TLCD3B: variants seen among roughly 807,000 people sequenced by gnomAD.
The protein encoded by TLCD3B is TLC domain containing 3B.
In TLCD3B, 9 loss-of-function variants were observed where a neutral mutation model predicts 23.0. That is an observed-to-expected ratio of 0.39 (90% confidence interval 0.24 to 0.68). The LOEUF (loss-of-function observed/expected upper bound fraction) is 0.68. TLCD3B is among the 30% of genes least tolerant of loss of function. TLCD3B has a pLI of 0.44. For missense variants in TLCD3B, 307 were observed against 371.8 expected (o/e 0.83, Z 1.43); for synonymous variants, 161 against 161.0 (o/e 1.00, Z 0.00).
upstream of TLCD3B, among the ~76,000 whole-genome samples, chr16:30,034,880 A>G (rs565533230): frequency 8.6e-5 from 13 of 151,896 alleles, no homozygotes; most frequent in Admixed American, 2.6e-4. Context: ...AATGACTCAC[A>G]AAAGACCCCA....
intron 3 of TLCD3B, 101 bp downstream of exon 3, chr16:30,026,508 T>A: frequency 1.0e-6 from 1 of 995,024 alleles, no homozygotes; most frequent in Non-Finnish European, 1.5e-6. Context: ...TCTGCTTGGT[T>A]GTCAGTACGC....
Position 30,025,040 on chromosome 16 carries a change from G to A in TLCD3B, c.*143C>T. 1.7e-6 allele frequency: 1 copy of A among 585,568 alleles called. No individual in the cohort carries two copies. Among genetic ancestry groups the A allele is most frequent in the Admixed American group, 3.5e-5 (1 of 28,176 alleles). The allele number at this position is 585,568 out of a possible 1,614,324, so 36.3% of individuals were successfully genotyped here. On this transcript the variant is annotated 3_prime_UTR_variant, in exon 5 of 5. Coordinates refer to ENST00000380495, the MANE Select transcript of TLCD3B (RefSeq NM_031478.6). This position sits in a 1 kb window ranked among gnomAD's most constrained non-coding sequence, Gnocchi z 4.1. ...TCCACCCCCTCAGTCCCCGAGAGAT[G>A]GGGCCTCTTCCCTTTCGGGGTCATC... is the stretch of plus-strand genomic sequence containing the variant.
At chr16:30,046,908 T>C (rs1482131224) in intron 1 of TLCD3B, among the ~76,000 whole-genome samples, 2 of 152,236 alleles carry the variant, frequency 1.3e-5, no homozygotes, top group African/African-American at 4.8e-5. Flanking sequence ...ATGAGATCTG[T>C]GTAAAGCACA....
upstream of TLCD3B, chr16:30,036,266 A>T: frequency 7.8e-7 from 1 of 1,289,048 alleles, no homozygotes; most frequent in Non-Finnish European, 1.0e-6. Flanking sequence ...CTTTAAAATG[A>T]CATTTGTTGA....
rs2071297245 is a variant in TLCD3B at position 30,029,757 on chromosome 16, C to T, written c.126-242G>A. Among the ~76,000 whole-genome samples, 1 of 152,168 alleles carries T rather than the reference C, an allele frequency of 6.6e-6. No individual in the cohort carries two copies. The highest frequency in any genetic ancestry group is 2.4e-5 in the African/African-American group (1 of 41,454). On this transcript the variant is annotated intron_variant, in intron 1 of 4. Coordinates refer to ENST00000380495, the MANE Select transcript of TLCD3B (RefSeq NM_031478.6). The surrounding 1 kb of genome is among the most constrained non-coding windows in gnomAD (Gnocchi z 4.6). ...CCACTCCTTGCCACCTTCTTCCTTC[C>T]CCATTTGTGGAAACTGAGTCTCCCT...
chr16:30,050,908 G>A (rs928618383), intron 1 of TLCD3B, among the ~76,000 whole-genome samples: 11 of 152,128 alleles, frequency 7.2e-5, no homozygotes, highest in African/African-American at 2.7e-4. Flanking sequence ...TTAGGAAGTC[G>A]GAGGCCTCCA....
intron 3 of TLCD3B, among the ~76,000 whole-genome samples, chr16:30,040,841 T>C (rs959968569): frequency 1.3e-4 from 19 of 151,758 alleles, no homozygotes; most frequent in African/African-American, 4.4e-4. Context: ...GGTTTTTTTT[T>C]CTAGAGATGG....
intron 1 of TLCD3B, 151 bp downstream of exon 1, chr16:30,030,252 G>T: frequency 9.0e-7 from 1 of 1,107,536 alleles, no homozygotes; most frequent in Non-Finnish European, 1.3e-6. Flanking sequence ...GGCAGGCAGT[G>T]AGGAGAGAGG....
upstream of TLCD3B, among the ~76,000 whole-genome samples, chr16:30,034,881 A>G (rs1340309723): frequency 1.3e-5 from 2 of 151,820 alleles, no homozygotes; most frequent in African/African-American, 4.8e-5. Context: ...ATGACTCACA[A>G]AAGACCCCAC....
At chr16:30,045,323 G>A (rs2071648601) in intron 2 of TLCD3B, among the ~76,000 whole-genome samples, 1 of 147,614 alleles carries the variant, frequency 6.8e-6, no homozygotes, top group African/African-American at 2.5e-5. Flanking sequence ...TGGGGTGTGT[G>A]TGTGGTGTTT....
In TLCD3B at chr16:30,025,388, AGCAGCACCCG is replaced by A; in HGVS notation, c.610_619del (p.Arg204SerfsTer154). 3 of 1,610,754 alleles carry A rather than the reference AGCAGCACCCG, an allele frequency of 1.9e-6. No homozygotes were observed. The highest frequency in any genetic ancestry group is 2.5e-6 in the Non-Finnish European group (3 of 1,178,756). On this transcript the variant is annotated frameshift_variant, in exon 5 of 5. Coordinates refer to ENST00000380495, the MANE Select transcript of TLCD3B (RefSeq NM_031478.6). LOFTEE classifies it low-confidence loss of function (END_TRUNC). The surrounding 1 kb of genome is among the most constrained non-coding windows in gnomAD (Gnocchi z 4.1). The stretch of plus-strand genomic sequence containing the variant: ...GTAGGCCCAGTACAGGTAGGGAAAG[AGCAGCACCCG>A]GCAGCAGAGGAAGCTGAGCAGCATC...
intron 1 of TLCD3B, among the ~76,000 whole-genome samples, chr16:30,050,827 G>A (rs551786149): frequency 1.8e-4 from 28 of 152,226 alleles, no homozygotes; most frequent in African/African-American, 6.5e-4. Context: ...ATGTTGGGGT[G>A]GAGAACATGG....
intron 3 of TLCD3B, among the ~76,000 whole-genome samples, chr16:30,026,393 C>T (rs958627632): frequency 6.6e-6 from 1 of 152,160 alleles, no homozygotes; most frequent in African/African-American, 2.4e-5. Context: ...GAGCCACAGC[C>T]GGGCATCGTC....
chr16:30,051,725 C>T (rs908663575), intron 1 of TLCD3B, among the ~76,000 whole-genome samples: 2 of 151,994 alleles, frequency 1.3e-5, no homozygotes, highest in Non-Finnish European at 2.9e-5. Context: ...GTGAGAAGTG[C>T]GAGAACAACA....
intron 1 of TLCD3B, chr16:30,052,702 TAAATAAA>T (rs1367910411): frequency 9.0e-6 from 1 of 111,302 alleles, no homozygotes; most frequent in Non-Finnish European, 1.8e-5. Context: ...GTCTCAAAAA[TAAATAAA>T]TAAATAAATA....
At chr16:30,026,566 GC>G (rs2071146381) in intron 3 of TLCD3B, 42 bp downstream of exon 3, 1 of 1,559,126 alleles carries the variant, frequency 6.4e-7, no homozygotes, top group Admixed American at 1.7e-5. Context: ...GGACCAAGGA[GC>G]AGGCCACCCG....
intron 3 of TLCD3B, among the ~76,000 whole-genome samples, chr16:30,040,749 G>A (rs1295993713): frequency 2.0e-5 from 3 of 152,022 alleles, no homozygotes; most frequent in East Asian, 1.9e-4. Context: ...TCCACCTCCC[G>A]GGCTCAAGTG....
chr16:30,029,497 C>T lies in TLCD3B; in HGVS notation c.144G>A (p.Gln48=), dbSNP rs374960331. ...AGCCGGCAGTGGAGGCCATGATGGC[C>T]TGGACAGAGGACACCAGCCTGGGGG... ...IVSARLVSSV[Q]AIMASTAGYI... The change falls in exon 2 of 5, where the codon CAG becomes CAA. Residue 48 remains glutamine, a synonymous_variant. Coordinates refer to ENST00000380495, the MANE Select transcript of TLCD3B (RefSeq NM_031478.6). The surrounding 1 kb of genome is among the most constrained non-coding windows in gnomAD (Gnocchi z 4.6). 2.1e-5 allele frequency: 34 copies of T among 1,613,856 alleles called. No homozygotes were observed. The Middle Eastern group carries it at 8.2e-4, about 39-fold the overall frequency.
rs144812777 is a variant in TLCD3B at position 30,026,632 on chromosome 16, G to C, written c.421C>G (p.Leu141Val). The change falls in exon 3 of 5, where the codon CTG (leucine) becomes GTG (valine). Residue 141 changes from leucine to valine, a missense_variant. Leu to Val is a conservative substitution (Grantham distance 32). Transcript: ENST00000380495. ...ACCACTGAGAGTGGGAAGCACACCA[G>C]CACCATGGCGGCATGGTGGAGCACC... ...LMVLHHAAMV[L>V]VCFPLSVVWR... 5 of 1,613,140 alleles carry C rather than the reference G, an allele frequency of 3.1e-6. No homozygotes were observed. Among genetic ancestry groups the C allele is most frequent in the Admixed American group, 3.3e-5 (2 of 59,972 alleles).
Sources: allele counts gnomAD v4.1 joint callset (sites outside exome capture counted in the v4.1 genomes callset), GRCh38; gene constraint gnomAD v4.1.1; non-coding constraint Gnocchi (gnomAD v3.1); transcripts MANE v1.5; gene names NCBI Gene and HGNC (gene_info 2026-07-23, HGNC 2026-07-21).